Variants in PRKDC observed in about 807,000 individuals in gnomAD.
PRKDC encodes the protein DNA-dependent protein kinase catalytic subunit.
PRKDC carries 82 observed loss-of-function variants against 486.9 expected under a neutral mutation model. The observed-to-expected ratio is 0.17, with a 90% CI of 0.14 to 0.20. The LOEUF is 0.20. PRKDC is among the 10% of genes least tolerant of loss of function. PRKDC has a pLI of 1.00. For missense variants in PRKDC, 4,504 were observed against 5,038.2 expected, an observed-to-expected ratio of 0.89 and a Z score of 3.21; for synonymous variants, 1,895 against 1,837.0, an observed-to-expected ratio of 1.03 and a Z score of -0.81.
Position 47,904,903 on chromosome 8 carries a change from C to G in PRKDC, c.3008G>C (p.Ser1003Thr). ...TTCTAGTAAGGCAACAGTATCCTGACTTTCAAATTTCTTGTTGTTAGTGAA... is the reference window on the plus strand; with the variant it reads ...TTCTAGTAAGGCAACAGTATCCTGAGTTTCAAATTTCTTGTTGTTAGTGAA... The part of the protein sequence containing the change: ...HWFTNNKKFE[S>T]QDTVALLEAI... The change falls in exon 26 of 86, where the codon AGT becomes ACT. Residue 1003 changes from serine (S) to threonine (T), a missense_variant. Coordinates refer to ENST00000314191, the MANE Select transcript of PRKDC (RefSeq NM_006904.7). The G allele has an allele frequency of 6.2e-7, 1 of 1,613,448 alleles. No homozygotes were observed. Among genetic ancestry groups the G allele is most frequent in the Non-Finnish European group, 8.5e-7 (1 of 1,179,472 alleles).
intron 21 of PRKDC, among the ~76,000 whole-genome samples, chr8:47,919,665 G>A (rs1475345286): frequency 2.0e-5 from 3 of 149,658 alleles, no homozygotes; most frequent in African/African-American, 4.9e-5. Context: ...TCTATAAGAT[G>A]TTAAAGAGTT....
In PRKDC at chr8:47,789,244, T is replaced by TA. The variant is rs35947559; in HGVS notation, c.10671-7dup. 6 of 1,542,756 alleles carry TA rather than the reference T, an allele frequency of 3.9e-6. No homozygotes were observed. The highest frequency in any genetic ancestry group is 1.3e-5 in the South Asian group (1 of 76,264). On this transcript the variant is annotated splice_region_variant and splice_polypyrimidine_tract_variant and intron_variant, in intron 74 of 85. Coordinates refer to ENST00000314191, the MANE Select transcript of PRKDC (RefSeq NM_006904.7). Reference sequence around the variant, plus strand: ...GATCCAACTTACTTTTAATCCTATTTAAAAAAATTTACAAAGTTTAGGCAA... The same window carrying TA: ...GATCCAACTTACTTTTAATCCTATTTAAAAAAAATTTACAAAGTTTAGGCAA...
intron 23 of PRKDC, among the ~76,000 whole-genome samples, chr8:47,914,802 A>G (rs953884383): frequency 2.0e-5 from 3 of 151,780 alleles, no homozygotes; most frequent in Non-Finnish European, 4.4e-5. Context: ...GGAAAAAAAA[A>G]AAAAAAAGCT....
At chr8:47,796,444 T>A (rs1300402676) in intron 73 of PRKDC, among the ~76,000 whole-genome samples, 2 of 152,208 alleles carry the variant, frequency 1.3e-5, no homozygotes, top group East Asian at 3.8e-4. Context: ...TGAGGCTGTA[T>A]GTTCCATGTT....
At chr8:47,916,936 T>C (rs779764924) in intron 22 of PRKDC, among the ~76,000 whole-genome samples, 1 of 152,172 alleles carries the variant, frequency 6.6e-6, no homozygotes, top group Non-Finnish European at 1.5e-5. Context: ...AGAACCATAG[T>C]GCTAAGGAAC....
intron 68 of PRKDC, among the ~76,000 whole-genome samples, chr8:47,809,754 C>T (rs1237987148): frequency 6.6e-6 from 1 of 152,208 alleles, no homozygotes; most frequent in Admixed American, 6.5e-5. Flanking sequence ...GGATAAAATA[C>T]AACTCCCCAA....
rs1230771056 is a variant in PRKDC at position 47,784,458 on chromosome 8, A to T, written c.11108-649T>A. ...ATGAACCATATGCAACTGCATAGTC[A>T]TTATTAATAACAAAGAAAAGTGTTT... On this transcript the variant is annotated intron_variant, in intron 77 of 85. Transcript: ENST00000314191. Among the ~76,000 whole-genome samples, 3 of 152,188 alleles carry T rather than the reference A, an allele frequency of 2.0e-5. No individual in the cohort carries two copies. In the East Asian group the frequency reaches 5.8e-4, roughly 29 times the overall value.
rs372384719 is a variant in PRKDC at position 47,864,662 on chromosome 8, C to T, written c.5465G>A (p.Arg1822His). The T allele has an allele frequency of 3.7e-6, 6 of 1,608,104 alleles. No individual in the cohort carries two copies. The highest frequency in any genetic ancestry group is 1.7e-5 in the Admixed American group (1 of 59,038). ...LSFTRQSFVD[R>H]SLLTLLWHCS... ...GTGCCACAGCAGAGTGAGGAGGGAGCGGTCCACAAAGGACTGGCGTGTGAA... is the reference window on the plus strand; with the variant it reads ...GTGCCACAGCAGAGTGAGGAGGGAGTGGTCCACAAAGGACTGGCGTGTGAA... Residue 1822 changes from arginine (R) to histidine (H), a missense_variant, in exon 41 of 86, where the codon CGC becomes CAC. Arg to His is a conservative substitution (Grantham distance 29). Coordinates refer to ENST00000314191, the MANE Select transcript of PRKDC (RefSeq NM_006904.7).
chr8:47,915,929 C>T (rs2089975553), intron 22 of PRKDC, among the ~76,000 whole-genome samples: 1 of 152,166 alleles, frequency 6.6e-6, no homozygotes, highest in Admixed American at 6.5e-5. Context: ...GTTACAATGT[C>T]GAATCTGAAT....
chr8:47,955,461 C>CAAAAA lies in PRKDC; in HGVS notation c.399+408_399+412dup, dbSNP rs746883720. On this transcript the variant is annotated intron_variant, in intron 4 of 85. Transcript: ENST00000314191. The stretch of plus-strand genomic sequence containing the variant: ...TGGGCGACAGAGCGAGACTCCGTCT[C>CAAAAA]AAAAAAAAAAAAAAAAAAAAAAAAA... 2.7e-4 allele frequency among the ~76,000 whole-genome samples: 5 copies of CAAAAA among 18,536 alleles called. 1 individual carries two copies. The highest frequency in any genetic ancestry group is 5.7e-4 in the African/African-American group (3 of 5,304). The allele number at this position is 18,536 out of a possible 152,430, so 12.2% of individuals were successfully genotyped here.
chr8:47,893,712 G>A (rs1188803556), intron 30 of PRKDC, among the ~76,000 whole-genome samples: 1 of 152,132 alleles, frequency 6.6e-6, no homozygotes, highest in Non-Finnish European at 1.5e-5. Context: ...TACCTCTGGG[G>A]CTGTTACAAA....
Position 47,788,982 on chromosome 8 carries a change from A to G in PRKDC, c.10826T>C (p.Met3609Thr). The G allele has an allele frequency of 1.2e-6, 2 of 1,612,880 alleles. No individual in the cohort carries two copies. Among genetic ancestry groups the G allele is most frequent in the Non-Finnish European group, 1.7e-6 (2 of 1,179,546 alleles). ...CAAGGCTGCATACATTCTTTCATAC[A>G]TTTTTTCAATGTTTTTTTTATTTAC... is the stretch of plus-strand genomic sequence containing the variant. ...TPVNKKNIEK[M>T]YERMYAALGD... The change falls in exon 76 of 86, where the codon ATG (methionine) becomes ACG (threonine). Residue 3609 changes from methionine to threonine, a missense_variant. Transcript: ENST00000314191.
At position 47,929,131 on chromosome 8, in the gene PRKDC, C is replaced by G; in HGVS notation, c.2100G>C (p.Lys700Asn). The G allele has an allele frequency of 6.3e-7, 1 of 1,578,398 alleles. No homozygotes were observed. Among genetic ancestry groups the G allele is most frequent in the Non-Finnish European group, 8.6e-7 (1 of 1,160,240 alleles). The change falls in exon 19 of 86, where the codon AAG (lysine) becomes AAC (asparagine). Residue 700 changes from lysine (K) to asparagine (N), a missense_variant. Around this residue, in one of 6 missense-constraint regions of PRKDC, gnomAD observed 1,969 missense variants for 2,068.9 expected, o/e 0.95. Coordinates refer to ENST00000314191, the MANE Select transcript of PRKDC (RefSeq NM_006904.7). ...SLKHSPEDPE[K>N]YSCFALFVKF... ...TCACAAATAAAGCAAAGCAAGAATACTTTTCTGGGTCTTCAGGAGAGTGTT... is the reference window on the plus strand; with the variant it reads ...TCACAAATAAAGCAAAGCAAGAATAGTTTTCTGGGTCTTCAGGAGAGTGTT...
chr8:47,854,245 G>A (rs770414150), intron 50 of PRKDC, 31 bp from the exon 51 acceptor site: 29 of 1,606,822 alleles, frequency 1.8e-5, no homozygotes, highest in Non-Finnish European at 2.5e-5. Flanking sequence ...AGAAAATTGA[G>A]ACTGTTGCAT....
chr8:47,809,339 T>G (rs531486088), intron 68 of PRKDC, among the ~76,000 whole-genome samples: 3 of 152,282 alleles, frequency 2.0e-5, no homozygotes, highest in Admixed American at 2.0e-4. Flanking sequence ...TACCACTGAT[T>G]TTAAGCTTTC....
intron 23 of PRKDC, among the ~76,000 whole-genome samples, chr8:47,914,432 T>C (rs2089956504): frequency 1.3e-5 from 2 of 152,136 alleles, no homozygotes. Flanking sequence ...TAACCAAAAG[T>C]CACTGGTATA....
At chr8:47,860,324 G>A (rs1330081968) in intron 45 of PRKDC, among the ~76,000 whole-genome samples, 1 of 152,198 alleles carries the variant, frequency 6.6e-6, no homozygotes, top group Non-Finnish European at 1.5e-5. Flanking sequence ...GCTAATACCT[G>A]GGGTTGAGGG....
intron 4 of PRKDC, among the ~76,000 whole-genome samples, chr8:47,955,457 G>A (rs1233653019): frequency 3.3e-5 from 3 of 91,794 alleles, no homozygotes; most frequent in East Asian, 3.5e-4. Context: ...GCGAGACTCC[G>A]TCTCAAAAAA....
In PRKDC at chr8:47,855,293, C is replaced by T; in HGVS notation, c.6690G>A (p.Val2230=). The T allele has an allele frequency of 6.2e-7, 1 of 1,602,656 alleles. No individual in the cohort carries two copies. The change falls in exon 50 of 86, where the codon GTG becomes GTA. Residue 2230 remains valine, a synonymous_variant. Coordinates refer to ENST00000314191, the MANE Select transcript of PRKDC (RefSeq NM_006904.7). ...MKHVFHPKRA[V]FRHNLEIIKT... ...TTATAATTTCAAGGTTGTGTCTAAA[C>T]ACAGCTCTTTTTGGATGAAAGACAT... is the stretch of plus-strand genomic sequence containing the variant.
Sources: gnomAD v4.1 joint callset for allele counts (sites outside exome capture counted in the v4.1 genomes callset) on GRCh38, gnomAD v4.1.1 for gene constraint, gnomAD v4.1.1 regional missense constraint, MANE v1.5 for transcripts, NCBI Gene and HGNC (gene_info 2026-07-23, HGNC 2026-07-21) for gene names.